WDTC1: variants seen among roughly 807,000 people sequenced by gnomAD.
WDTC1 encodes the protein WD and tetratricopeptide repeats protein 1.
A neutral mutation model predicts 76.0 loss-of-function variants in WDTC1; 12 were observed. The ratio of observed to expected loss-of-function variants is 0.16; its 90% CI spans 0.10 to 0.26. The LOEUF (loss-of-function observed/expected upper bound fraction) is 0.26, where lower values mean the gene tolerates loss of function less well. Ranked by LOEUF, WDTC1 falls within the 10% of genes least tolerant of loss-of-function variation. WDTC1 has a pLI of 1.00. For missense variants in WDTC1, 511 were observed against 908.8 expected (o/e 0.56, Z 5.63); for synonymous variants, 326 against 350.8 (o/e 0.93, Z 0.79).
At chr1:27,242,082 G>T (rs1292394665) in intron 1 of WDTC1, among the ~76,000 whole-genome samples, 1 of 151,980 alleles carries the variant, frequency 6.6e-6, no homozygotes, top group Admixed American at 6.6e-5. Context: ...AGTAGAGACG[G>T]GGTTTTACCA....
intron 1 of WDTC1, among the ~76,000 whole-genome samples, chr1:27,256,200 C>G (rs1228533097): frequency 6.6e-6 from 1 of 152,102 alleles, no homozygotes; most frequent in Admixed American, 6.6e-5. Context: ...ACTGTTGCCA[C>G]CACTACTTAC....
At chr1:27,288,007 A>C in intron 6 of WDTC1, 146 bp downstream of exon 6, 1 of 1,031,546 alleles carries the variant, frequency 9.7e-7, no homozygotes, top group East Asian at 2.6e-5. Flanking sequence ...TACAAACTCC[A>C]CTGGGAACAT....
chr1:27,290,002 AAGAG>A, intron 6 of WDTC1, among the ~76,000 whole-genome samples: 1 of 149,336 alleles, frequency 6.7e-6, no homozygotes, highest in Non-Finnish European at 1.5e-5. Flanking sequence ...AGACCGTGGA[AAGAG>A]AGGGAGAGGG....
chr1:27,279,633 C>T lies in WDTC1; in HGVS notation c.133-2606C>T, dbSNP rs536116304. ...CCAGGCTGGAGTGCAGTGACGTGATCATGGCTCACTGTAGCCTCCACCTCC... is the reference window on the plus strand; with the variant it reads ...CCAGGCTGGAGTGCAGTGACGTGATTATGGCTCACTGTAGCCTCCACCTCC... On this transcript the variant is annotated intron_variant, in intron 3 of 15. Transcript: ENST00000319394. 2.6e-5 allele frequency among the ~76,000 whole-genome samples: 4 copies of T among 152,268 alleles called. No homozygotes were observed. In the East Asian group the frequency reaches 7.7e-4, roughly 29 times the overall value.
rs200592908 is a variant in WDTC1, at chr1:27,303,261, CAAAA to C, written c.1469-347_1469-344del. On this transcript the variant is annotated intron_variant, in intron 13 of 15. Transcript: ENST00000319394. The surrounding 1 kb of genome is among the most constrained non-coding windows in gnomAD (Gnocchi z 4.8). ...TGCACTCCAGCCTGCGTGACCATCT[CAAAA>C]AAAAAAAAAAAAGTCATCCATTCTC... 7.8e-6 allele frequency among the ~76,000 whole-genome samples: 1 copy of C among 128,144 alleles called. No individual in the cohort carries two copies. Among genetic ancestry groups the C allele is most frequent in the African/African-American group, 2.9e-5 (1 of 34,682 alleles). 84.1% of individuals were successfully genotyped at this position (128,144 alleles called of 152,430 possible). A position where few individuals can be genotyped will look rare whatever the true frequency, so the allele number is the denominator to read the frequency against.
intron 1 of WDTC1, among the ~76,000 whole-genome samples, chr1:27,236,900 G>A (rs183648852): frequency 2.0e-5 from 3 of 152,094 alleles, no homozygotes; most frequent in Admixed American, 1.3e-4. Context: ...GTGCAGTGGC[G>A]CGATCTCAGC....
chr1:27,259,323 CTTTTTTTTTTTTT>C (rs57081638), intron 1 of WDTC1, among the ~76,000 whole-genome samples: 6 of 106,332 alleles, frequency 5.6e-5, no homozygotes, highest in African/African-American at 1.8e-4. Flanking sequence ...CCATGCCCAA[CTTTTTTTTTTTTT>C]TTTTTTTTTT....
chr1:27,254,167 T>C (rs866601402), intron 1 of WDTC1, among the ~76,000 whole-genome samples: 22 of 152,130 alleles, frequency 1.4e-4, no homozygotes, highest in Admixed American at 8.5e-4. Context: ...TCTAGTTAGT[T>C]TGTCTGCCTG....
chr1:27,242,618 C>T (rs928359941), intron 1 of WDTC1, among the ~76,000 whole-genome samples: 1 of 152,172 alleles, frequency 6.6e-6, no homozygotes, highest in East Asian at 1.9e-4. Context: ...AACGGGTATG[C>T]ACCACCACGC....
chr1:27,243,170 GGT>G (rs1344168155), intron 1 of WDTC1, among the ~76,000 whole-genome samples: 2 of 150,664 alleles, frequency 1.3e-5, no homozygotes, highest in African/African-American at 4.9e-5. Context: ...TGATATTACA[GGT>G]GTGAGCCGCT....
At chr1:27,267,249 CTTTT>C (rs869288356) in intron 3 of WDTC1, among the ~76,000 whole-genome samples, 2 of 140,220 alleles carry the variant, frequency 1.4e-5, no homozygotes, top group African/African-American at 2.6e-5. Context: ...GGATTACTTT[CTTTT>C]TTTTTTTTTT....
intron 1 of WDTC1, among the ~76,000 whole-genome samples, chr1:27,257,126 C>T (rs547232937): frequency 4.1e-4 from 63 of 152,110 alleles, no homozygotes; most frequent in African/African-American, 1.3e-3. Flanking sequence ...CCTCCCAAAG[C>T]GCTGGGATTA....
At chr1:27,296,767 G>GCCCTAGCCCCAGCCCCAA (rs748459090) in intron 10 of WDTC1, among the ~76,000 whole-genome samples, 1 of 13,890 alleles carries the variant, frequency 7.2e-5, no homozygotes, top group Non-Finnish European at 1.8e-4. Context: ...CCCAGCCCCA[G>GCCCTAGCCCCAGCCCCAA]CCCTAGCCCC....
At chr1:27,298,185 A>T (rs1222749760) in intron 12 of WDTC1, 74 bp downstream of exon 12, 1 of 1,476,734 alleles carries the variant, frequency 6.8e-7, no homozygotes, top group Admixed American at 2.3e-5. Flanking sequence ...CAGGGGCCTG[A>T]TGGAGCCAAG....
chr1:27,241,845 T>A (rs753323103), intron 1 of WDTC1, among the ~76,000 whole-genome samples: 9 of 151,804 alleles, frequency 5.9e-5, no homozygotes, highest in Admixed American at 1.3e-4. Context: ...CCAGAAAAAA[T>A]TTTCACAAAG....
At chr1:27,278,244 T>A (rs574473057) in intron 3 of WDTC1, among the ~76,000 whole-genome samples, 2 of 152,326 alleles carry the variant, frequency 1.3e-5, no homozygotes, top group South Asian at 2.1e-4. Flanking sequence ...TTTGCTCTAG[T>A]GATTCAATGG....
intron 6 of WDTC1, among the ~76,000 whole-genome samples, chr1:27,290,110 T>G (rs1361807015): frequency 6.6e-6 from 1 of 151,990 alleles, no homozygotes; most frequent in African/African-American, 2.4e-5. Context: ...AGGGTCTCAC[T>G]CCATTCTATT....
At chr1:27,277,463 A>G (rs2147954112) in intron 3 of WDTC1, among the ~76,000 whole-genome samples, 1 of 151,906 alleles carries the variant, frequency 6.6e-6, no homozygotes, top group East Asian at 1.9e-4. Flanking sequence ...TAATTGCTTG[A>G]CACTCTTTTT....
intron 9 of WDTC1, among the ~76,000 whole-genome samples, chr1:27,295,122 G>A (rs1039492694): frequency 6.6e-6 from 1 of 152,156 alleles, no homozygotes; most frequent in Non-Finnish European, 1.5e-5. Flanking sequence ...TGTGCTCTCA[G>A]GATATTTAGT....
Sources: gnomAD v4.1 joint callset for allele counts (sites outside exome capture counted in the v4.1 genomes callset) on GRCh38, gnomAD v4.1.1 for gene constraint, Gnocchi (gnomAD v3.1) non-coding constraint, MANE v1.5 for transcripts, NCBI Gene and HGNC (gene_info 2026-07-23, HGNC 2026-07-21) for gene names.